The following NSD2 variants were observed in gnomAD, a reference collection of about 807,000 sequenced individuals.
NSD2 encodes the protein histone-lysine N-methyltransferase NSD2.
NSD2 carries 12 observed loss-of-function variants against 139.0 expected under a neutral mutation model. That is an observed-to-expected ratio of 0.09 (90% CI 0.06 to 0.14). The LOEUF (loss-of-function observed/expected upper bound fraction) is 0.14. Among genes scored for constraint, NSD2 ranks in the 10% least tolerant of loss-of-function variants. The probability of loss-of-function intolerance (pLI) is 1.00; values close to 1 mark genes in which losing one functional copy is unlikely to be tolerated. For synonymous variants in NSD2, 669 were observed against 648.7 expected, an observed-to-expected ratio of 1.03 and a Z score of -0.48; for missense variants, 1,155 against 1,745.0, an observed-to-expected ratio of 0.66 and a Z score of 6.02.
intron 1 of NSD2, among the ~76,000 whole-genome samples, chr4:1,877,140 GA>G (rs796084991): frequency 0.044 from 6,476 of 145,786 alleles, 450 homozygotes; most frequent in African/African-American, 0.15. Context: ...CTGTCTCAAG[GA>G]AAAAAAAAAA....
At chr4:1,940,104 C>T in intron 9 of NSD2, 2 of 1,175,666 alleles carry the variant, frequency 1.7e-6, no homozygotes, top group South Asian at 5.6e-5. Context: ...TGTAAGAGTT[C>T]ACATGGAAGT....
intron 5 of NSD2, among the ~76,000 whole-genome samples, chr4:1,923,625 C>T (rs190693823): frequency 1.3e-5 from 2 of 152,290 alleles, no homozygotes; most frequent in Admixed American, 1.3e-4. Context: ...GGTGAAACAT[C>T]ATTTATTACA....
intron 15 of NSD2, among the ~76,000 whole-genome samples, chr4:1,957,554 C>T (rs1270551114): frequency 7.3e-5 from 11 of 151,522 alleles, no homozygotes; most frequent in Non-Finnish European, 1.2e-4. Flanking sequence ...TCCCAAAGTG[C>T]TTCGATTACA....
chr4:1,969,668 C>T (rs1472423975), intron 18 of NSD2, among the ~76,000 whole-genome samples: 2 of 152,050 alleles, frequency 1.3e-5, no homozygotes, highest in Non-Finnish European at 2.9e-5. Flanking sequence ...AGGTCCTGTA[C>T]AATTGTGCTC....
intron 3 of NSD2, among the ~76,000 whole-genome samples, chr4:1,908,054 G>A (rs1028296881): frequency 6.6e-6 from 1 of 152,230 alleles, no homozygotes; most frequent in Non-Finnish European, 1.5e-5. Flanking sequence ...GCTGTGCTAA[G>A]AGCAGGTGTA....
At chr4:1,920,879 T>A (rs548607467) in intron 5 of NSD2, among the ~76,000 whole-genome samples, 2,294 of 150,530 alleles carry the variant, frequency 0.015, 58 homozygotes, top group African/African-American at 0.052. Flanking sequence ...AAAAAAAAAA[T>A]TTTTTTTAAT....
In NSD2 at chr4:1,977,745, T is replaced by A. The variant is rs537489041; in HGVS notation, c.3827-893T>A. Among the ~76,000 whole-genome samples the A allele has an allele frequency of 2.7e-5, 4 of 146,286 alleles. No homozygotes were observed. In the East Asian group the frequency reaches 8.1e-4, roughly 30 times the overall value. On this transcript the variant is annotated intron_variant, in intron 21 of 21. Coordinates refer to ENST00000508803, the MANE Select transcript of NSD2 (RefSeq NM_001042424.3). Reference sequence around the variant, plus strand: ...GAGCCAAGATTGCAGAAAGCTGAGATAGCACCATTGCACTCCAGCCTGGGC... The same window carrying A: ...GAGCCAAGATTGCAGAAAGCTGAGAAAGCACCATTGCACTCCAGCCTGGGC...
At position 1,918,242 on chromosome 4, in the gene NSD2, G is replaced by C. The variant is rs1719665837; in HGVS notation, c.1029G>C (p.Lys343Asn). The C allele has an allele frequency of 1.2e-6, 2 of 1,613,846 alleles. No individual in the cohort carries two copies. Among genetic ancestry groups the C allele is most frequent in the Non-Finnish European group, 1.7e-6 (2 of 1,179,996 alleles). ...ASMSVEERKA[K>N]FTFLYVGDQL... ...TGTCAGTGGAGGAGCGGAAAGCCAA[G>C]TTCACCTTTCTCTATGTGGGGGACC... Residue 343 changes from lysine (K) to asparagine (N), a missense_variant, in exon 5 of 22, where the codon AAG becomes AAC. Lys to Asn is a moderately conservative substitution (Grantham distance 94, BLOSUM62 0). Coordinates refer to ENST00000508803, the MANE Select transcript of NSD2 (RefSeq NM_001042424.3).
chr4:1,938,167 C>T (rs1196791105), intron 7 of NSD2, among the ~76,000 whole-genome samples: 1 of 152,140 alleles, frequency 6.6e-6, no homozygotes, highest in African/African-American at 2.4e-5. Context: ...CCCCACCCAC[C>T]TCGCCCTCCT....
At chr4:1,882,563 C>T (rs897915385) in intron 1 of NSD2, among the ~76,000 whole-genome samples, 1 of 152,166 alleles carries the variant, frequency 6.6e-6, no homozygotes, top group Non-Finnish European at 1.5e-5. Context: ...ACTCGGGAGG[C>T]TGAGGCAGGA....
Position 1,976,633 on chromosome 4 carries a change from C to G in NSD2, c.3780C>G (p.Thr1260=). 7.5e-6 allele frequency: 12 copies of G among 1,606,054 alleles called. No individual in the cohort carries two copies. The highest frequency in any genetic ancestry group is 1.0e-5 in the Non-Finnish European group (12 of 1,176,512). ...TGCTGTGTGACCGCAAGTTCTGCACCAAGGCCTACCACCTGTCCTGCCTGG... is the reference window on the plus strand; with the variant it reads ...TGCTGTGTGACCGCAAGTTCTGCACGAAGGCCTACCACCTGTCCTGCCTGG... ...QLVLCDRKFC[T]KAYHLSCLGL... Residue 1260 remains threonine, a synonymous_variant, in exon 21 of 22, where the codon ACC becomes ACG. Coordinates refer to ENST00000508803, the MANE Select transcript of NSD2 (RefSeq NM_001042424.3). The surrounding 1 kb of genome is among the most constrained non-coding windows in gnomAD (Gnocchi z 5.3).
In NSD2 at chr4:1,972,962, C is replaced by T. The variant is rs566918810; in HGVS notation, c.3373-1901C>T. On this transcript the variant is annotated intron_variant, in intron 18 of 21. Transcript: ENST00000508803. The surrounding 1 kb of genome is among the most constrained non-coding windows in gnomAD (Gnocchi z 4.0). ...CTGCCTCACAGGTTCAAGCCATTCT[C>T]CTGCCTCAGCCTCCCGAGTAACTGG... is the stretch of plus-strand genomic sequence containing the variant. 1.6e-4 allele frequency among the ~76,000 whole-genome samples: 25 copies of T among 152,240 alleles called. No homozygotes were observed. The highest frequency in any genetic ancestry group is 5.9e-4 in the Admixed American group (9 of 15,298).
chr4:1,953,799 T>A (rs1442545645), intron 12 of NSD2, among the ~76,000 whole-genome samples: 1 of 152,022 alleles, frequency 6.6e-6, no homozygotes, highest in Non-Finnish European at 1.5e-5. Flanking sequence ...CTGGCTTTTT[T>A]TTTTTTCTTT....
At chr4:1,886,485 A>G (rs144026220) in intron 1 of NSD2, among the ~76,000 whole-genome samples, 143 of 152,186 alleles carry the variant, frequency 9.4e-4, no homozygotes, top group Non-Finnish European at 1.4e-3. Context: ...GGGATTACGG[A>G]CTTGAGCCAC....
intron 1 of NSD2, chr4:1,893,698 T>C (rs1577373690): frequency 6.6e-6 from 1 of 152,236 alleles, no homozygotes. Flanking sequence ...ATTATGGGCA[T>C]GCACCCAGCT....
At chr4:1,941,840 T>C in intron 9 of NSD2, 1 of 1,056,272 alleles carries the variant, frequency 9.5e-7, no homozygotes, top group Non-Finnish European at 1.1e-6. Flanking sequence ...TTAACGCGAC[T>C]GAACTACAGT....
At chr4:1,907,699 G>T (rs1287931771) in intron 3 of NSD2, among the ~76,000 whole-genome samples, 1 of 138,478 alleles carries the variant, frequency 7.2e-6, no homozygotes, top group Non-Finnish European at 1.5e-5. Context: ...GGCAACCTCT[G>T]CCTCCTGGGT....
In NSD2 at chr4:1,955,177, T is replaced by C; in HGVS notation, c.2355T>C (p.Cys785=). The C allele has an allele frequency of 1.2e-6, 2 of 1,610,608 alleles. No homozygotes were observed. Among genetic ancestry groups the C allele is most frequent in the Non-Finnish European group, 1.7e-6 (2 of 1,176,954 alleles). The change falls in exon 13 of 22, where the codon TGT becomes TGC. Residue 785 remains cysteine (C), a synonymous_variant. Transcript: ENST00000508803. This position sits in a 1 kb window ranked among gnomAD's most constrained non-coding sequence, Gnocchi z 4.7. The part of the protein sequence containing the change: ...PRPSKGKMMR[C]VRCPVAYHSG... ...TGCCTTCAGGTAAAATGATGCGGTG[T>C]GTCCGCTGCCCCGTTGCCTATCACA...
chr4:1,932,996 C>T (rs1429394355), intron 6 of NSD2, among the ~76,000 whole-genome samples: 1 of 152,210 alleles, frequency 6.6e-6, no homozygotes, highest in African/African-American at 2.4e-5. Context: ...CATGTGGTGC[C>T]TATGCTTGGC....
Sources: allele counts gnomAD v4.1 joint callset (sites outside exome capture counted in the v4.1 genomes callset), GRCh38; gene constraint gnomAD v4.1.1; non-coding constraint Gnocchi (gnomAD v3.1); transcripts MANE v1.5; gene names NCBI Gene and HGNC (gene_info 2026-07-23, HGNC 2026-07-21).